BLTP3B: variants seen among roughly 807,000 people sequenced by gnomAD.
BLTP3B encodes UHRF1 (ICBP90) binding protein 1-like.
At chr12:100,092,354 T>C in the BLTP3B span, among the ~76,000 whole-genome samples, 2 of 152,218 alleles carry the variant, frequency 1.3e-5, no homozygotes, top group African/African-American at 2.4e-5. Context: ...TCTGTGGTAA[T>C]GGTTAAGTAT....
At chr12:100,048,842 TC>T in the BLTP3B span, among the ~76,000 whole-genome samples, 2 of 147,158 alleles carry the variant, frequency 1.4e-5, no homozygotes, top group African/African-American at 5.0e-5. Flanking sequence ...CTGGACCCTG[TC>T]CCCCCAAAAA....
chr12:100,106,144 T>C, the BLTP3B span, among the ~76,000 whole-genome samples: 2 of 152,170 alleles, frequency 1.3e-5, no homozygotes, highest in East Asian at 1.9e-4. Context: ...GAAAACAGTA[T>C]AGAAATTTCT....
chr12:100,117,155 A>G, the BLTP3B span, among the ~76,000 whole-genome samples: 3 of 152,234 alleles, frequency 2.0e-5, no homozygotes, highest in Non-Finnish European at 2.9e-5. Context: ...TTCTAGTCTC[A>G]GGGAGGTGGA....
the BLTP3B span, chr12:100,070,303 T>A: frequency 1.9e-6 from 2 of 1,050,510 alleles, no homozygotes; most frequent in Non-Finnish European, 2.5e-6. Context: ...TTTTTTTTTT[T>A]GAGACGGAGT....
At chr12:100,126,929 A>G in the BLTP3B span, among the ~76,000 whole-genome samples, 49 of 152,336 alleles carry the variant, frequency 3.2e-4, 1 homozygote, top group African/African-American at 1.2e-3. Context: ...ATCATGACTG[A>G]TTAAAACAGG....
chr12:100,102,579 G>T, the BLTP3B span, among the ~76,000 whole-genome samples: 2 of 151,942 alleles, frequency 1.3e-5, no homozygotes, highest in African/African-American at 4.8e-5. Flanking sequence ...ATAATAGCAA[G>T]GAAAGCAAGA....
chr12:100,099,924 T>C, the BLTP3B span, among the ~76,000 whole-genome samples: 2 of 143,412 alleles, frequency 1.4e-5, no homozygotes, highest in African/African-American at 5.0e-5. Context: ...AGAGATCACA[T>C]TTCAAAAAAA....
chr12:100,087,606 C>A, the BLTP3B span, among the ~76,000 whole-genome samples: 1 of 151,994 alleles, frequency 6.6e-6, no homozygotes, highest in South Asian at 2.1e-4. Flanking sequence ...AGGAAGCAGG[C>A]AAAGAATAAA....
the BLTP3B span, among the ~76,000 whole-genome samples, chr12:100,130,972 AGAGAGGGAGG>A: frequency 4.5e-4 from 47 of 104,392 alleles, no homozygotes; most frequent in African/African-American, 2.1e-3. Flanking sequence ...AGAGAGAGAG[AGAGAGGGAGG>A]GAGAGAGAGA....
chr12:100,038,034 TATGGCTTTAGAC>T, the BLTP3B span, among the ~76,000 whole-genome samples: 1 of 152,216 alleles, frequency 6.6e-6, no homozygotes, highest in Admixed American at 6.5e-5. Flanking sequence ...TGGACCTCTC[TATGGCTTTAGAC>T]ATTGCTGAGC....
the BLTP3B span, among the ~76,000 whole-genome samples, chr12:100,114,257 G>A: frequency 6.6e-6 from 1 of 152,106 alleles, no homozygotes; most frequent in Admixed American, 6.6e-5. Flanking sequence ...TTGATCTACA[G>A]GTTGACATGG....
chr12:100,060,282 T>A, the BLTP3B span, among the ~76,000 whole-genome samples: 1 of 152,128 alleles, frequency 6.6e-6, no homozygotes, highest in South Asian at 2.1e-4. Flanking sequence ...CTATAACATA[T>A]AAATATATAA....
At chr12:100,069,867 T>G in the BLTP3B span, 1 of 813,188 alleles carries the variant, frequency 1.2e-6, no homozygotes. Flanking sequence ...AAATAAAAAA[T>G]TTTTTTAAAT....
the BLTP3B span, chr12:100,058,461 C>T: frequency 6.2e-7 from 1 of 1,613,240 alleles, no homozygotes; most frequent in Non-Finnish European, 8.5e-7. Flanking sequence ...AGGGATATGG[C>T]TAAGGTCAAC....
chr12:100,112,568 A>C, the BLTP3B span, among the ~76,000 whole-genome samples: 623 of 152,234 alleles, frequency 4.1e-3, 8 homozygotes, highest in African/African-American at 0.014. Flanking sequence ...CAAATGAAAA[A>C]AGTAGACTTG....
At chr12:100,086,260 T>G in the BLTP3B span, 15 of 1,414,464 alleles carry the variant, frequency 1.1e-5, no homozygotes, top group African/African-American at 1.5e-5. Flanking sequence ...CTTTTAAAGA[T>G]GCTGTTATAC....
chr12:100,038,121 C>G, the BLTP3B span, among the ~76,000 whole-genome samples: 1 of 152,126 alleles, frequency 6.6e-6, no homozygotes, highest in Non-Finnish European at 1.5e-5. Flanking sequence ...TCATATTTAT[C>G]CATTTCAACC....
At chr12:100,095,853 A>C in the BLTP3B span, 4 of 1,558,338 alleles carry the variant, frequency 2.6e-6, no homozygotes, top group Non-Finnish European at 2.6e-6. Flanking sequence ...GGAAAAAAAA[A>C]TGTTTTATAA....
At chr12:100,112,785 G>A in the BLTP3B span, among the ~76,000 whole-genome samples, 35 of 151,010 alleles carry the variant, frequency 2.3e-4, no homozygotes, top group African/African-American at 8.3e-4. Flanking sequence ...GCCTGAACCC[G>A]GGAGGCGGAG....
Sources: allele counts gnomAD v4.1 joint callset (sites outside exome capture counted in the v4.1 genomes callset), GRCh38; gene constraint gnomAD v4.1.1; transcripts MANE v1.5; gene names NCBI Gene and HGNC (gene_info 2026-07-23, HGNC 2026-07-21).